KIAA1217: variants seen among roughly 807,000 people sequenced by gnomAD.
KIAA1217 encodes the protein sickle tail protein homolog.
KIAA1217 carries 88 observed loss-of-function variants against 163.9 expected under a neutral mutation model. The ratio of observed to expected loss-of-function variants is 0.54; its 90% CI spans 0.45 to 0.64. KIAA1217 has a LOEUF of 0.64. KIAA1217 is among the 30% of genes least tolerant of loss of function. The probability of loss-of-function intolerance (pLI) is 0.00; values close to 1 mark genes in which losing one functional copy is unlikely to be tolerated. For synonymous variants in KIAA1217, 903 were observed against 923.1 expected (o/e 0.98, Z 0.39); for missense variants, 2,372 against 2,475.0 (o/e 0.96, Z 0.88).
At chr10:23,854,320 G>A (rs966790489) in intron 1 of KIAA1217, among the ~76,000 whole-genome samples, 3 of 152,026 alleles carry the variant, frequency 2.0e-5, no homozygotes, top group African/African-American at 7.2e-5. Flanking sequence ...GTAGTTGAGT[G>A]GTTTTGAGTG....
intron 2 of KIAA1217, among the ~76,000 whole-genome samples, chr10:24,347,332 C>T (rs1483027263): frequency 3.3e-5 from 5 of 152,322 alleles, no homozygotes; most frequent in Middle Eastern, 3.4e-3. Flanking sequence ...TCAAATACTG[C>T]ACTGGATAAA....
At chr10:23,932,051 G>A (rs1011415269) in intron 1 of KIAA1217, among the ~76,000 whole-genome samples, 1 of 152,158 alleles carries the variant, frequency 6.6e-6, no homozygotes, top group African/African-American at 2.4e-5. Context: ...GGAGAGAGCA[G>A]AAGAATGCAC....
chr10:23,959,660 TA>T (rs1844732756), intron 1 of KIAA1217, among the ~76,000 whole-genome samples: 2 of 152,134 alleles, frequency 1.3e-5, no homozygotes. Context: ...ATTTTTAGGC[TA>T]AATTTGATGA....
At chr10:24,474,175 G>A in intron 6 of KIAA1217, 115 bp downstream of exon 6, 2 of 747,804 alleles carry the variant, frequency 2.7e-6, no homozygotes, top group African/African-American at 1.8e-5. Flanking sequence ...TCTGCAGCAT[G>A]TCCTGTGGAT....
At chr10:23,832,455 G>T (rs1838253087) in intron 1 of KIAA1217, among the ~76,000 whole-genome samples, 1 of 152,086 alleles carries the variant, frequency 6.6e-6, no homozygotes, top group Non-Finnish European at 1.5e-5. Flanking sequence ...CATTGCATAA[G>T]GATGTTTGAT....
intron 1 of KIAA1217, among the ~76,000 whole-genome samples, chr10:23,854,491 T>C (rs1206612585): frequency 6.6e-6 from 1 of 152,196 alleles, no homozygotes; most frequent in Admixed American, 6.5e-5. Flanking sequence ...GTATATTCTG[T>C]TGATGTGGGG....
At chr10:23,753,663 G>C (rs575372797) in intron 1 of KIAA1217, among the ~76,000 whole-genome samples, 62 of 152,146 alleles carry the variant, frequency 4.1e-4, no homozygotes, top group Non-Finnish European at 6.2e-4. Context: ...GAATGCTGGA[G>C]TACAAATTGG....
chr10:24,335,900 C>CTTGAATTG (rs2046301668), intron 2 of KIAA1217, among the ~76,000 whole-genome samples: 1 of 152,236 alleles, frequency 6.6e-6, no homozygotes, highest in Admixed American at 6.5e-5. Context: ...GCGTCAGCCA[C>CTTGAATTG]TGCACTCAGT....
intron 2 of KIAA1217, among the ~76,000 whole-genome samples, chr10:24,241,361 G>T (rs778606665): frequency 6.6e-6 from 1 of 152,116 alleles, no homozygotes; most frequent in African/African-American, 2.4e-5. Flanking sequence ...TGCCAAAGGA[G>T]CCAGGGTATT....
At chr10:23,977,711 G>A (rs547261257) in intron 1 of KIAA1217, among the ~76,000 whole-genome samples, 44 of 152,254 alleles carry the variant, frequency 2.9e-4, no homozygotes, top group African/African-American at 9.9e-4. Context: ...AGCTCTCTGA[G>A]GCCACAATTT....
At chr10:24,301,816 A>G (rs1264412771) in intron 2 of KIAA1217, among the ~76,000 whole-genome samples, 1 of 152,312 alleles carries the variant, frequency 6.6e-6, no homozygotes, top group African/African-American at 2.4e-5. Flanking sequence ...AGGCTGAGGC[A>G]GGCAGATCAC....
At chr10:23,752,690 A>G (rs964317398) in intron 1 of KIAA1217, among the ~76,000 whole-genome samples, 5 of 152,168 alleles carry the variant, frequency 3.3e-5, no homozygotes, top group African/African-American at 1.2e-4. Flanking sequence ...TTACTCTTGT[A>G]TCAAAGGCAT....
intron 15 of KIAA1217, among the ~76,000 whole-genome samples, chr10:24,532,714 A>T (rs1048052982): frequency 3.3e-5 from 5 of 152,252 alleles, no homozygotes; most frequent in Admixed American, 2.6e-4. Flanking sequence ...CACGGGAAAG[A>T]CCTGCCCCCA....
At chr10:24,172,853 C>T (rs1286759732) in intron 2 of KIAA1217, among the ~76,000 whole-genome samples, 1 of 152,242 alleles carries the variant, frequency 6.6e-6, no homozygotes, top group Non-Finnish European at 1.5e-5. Flanking sequence ...TTCAGACCTG[C>T]TCTTGACTGT....
intron 2 of KIAA1217, among the ~76,000 whole-genome samples, chr10:24,177,027 C>A (rs2065926087): frequency 6.6e-6 from 1 of 151,700 alleles, no homozygotes. Flanking sequence ...GAGTGCGGGG[C>A]CTGCTGAGCC....
At chr10:24,361,249 C>G (rs1409426113) in intron 2 of KIAA1217, among the ~76,000 whole-genome samples, 1 of 151,992 alleles carries the variant, frequency 6.6e-6, no homozygotes, top group African/African-American at 2.4e-5. Context: ...TGTAGTGGCG[C>G]AATCACAGGT....
rs1170144059 is a variant in KIAA1217 at position 24,484,224 on chromosome 10, CAT to C, written c.1679+10181_1679+10182del. Among the ~76,000 whole-genome samples the C allele has an allele frequency of 4.9e-3, 448 of 90,520 alleles. 11 individuals carry two copies. Among genetic ancestry groups the C allele is most frequent in the African/African-American group, 6.4e-3 (135 of 21,206 alleles). 59.4% of individuals were successfully genotyped at this position (90,520 alleles called of 152,430 possible). A position where few individuals can be genotyped will look rare whatever the true frequency, so the allele number is the denominator to read the frequency against. The stretch of plus-strand genomic sequence containing the variant: ...ACATATATATAGATAGATAGATATA[CAT>C]ATATATATATATATATTTTTTTTTT... On this transcript the variant is annotated intron_variant, in intron 6 of 20. Coordinates refer to ENST00000376454, the MANE Select transcript of KIAA1217 (RefSeq NM_019590.5).
chr10:24,199,823 G>A (rs746759476), intron 2 of KIAA1217, among the ~76,000 whole-genome samples: 1 of 152,124 alleles, frequency 6.6e-6, no homozygotes, highest in Non-Finnish European at 1.5e-5. Flanking sequence ...ACAAGAAATA[G>A]ACATACTAAT....
intron 6 of KIAA1217, among the ~76,000 whole-genome samples, chr10:24,490,009 A>G (rs1312338918): frequency 6.6e-6 from 1 of 152,148 alleles, no homozygotes; most frequent in African/African-American, 2.4e-5. Context: ...GTCTTCACAG[A>G]CAGACATGGA....
Sources: gnomAD v4.1 joint callset for allele counts (sites outside exome capture counted in the v4.1 genomes callset) on GRCh38, gnomAD v4.1.1 for gene constraint, MANE v1.5 for transcripts, NCBI Gene and HGNC (gene_info 2026-07-23, HGNC 2026-07-21) for gene names.